The following RIT2 variants were observed in gnomAD, a reference collection of about 807,000 sequenced individuals.
RIT2 encodes the protein GTP-binding protein Rit2.
In RIT2, 24 loss-of-function variants were observed where a neutral mutation model predicts 23.7. That is an observed-to-expected ratio of 1.01 (90% confidence interval 0.73 to 1.43). RIT2 has a LOEUF of 1.43. RIT2 is among the 40% of genes most tolerant of loss of function. RIT2 has a pLI of 0.00. For missense variants in RIT2, 236 were observed against 266.9 expected (o/e 0.88, Z 0.81); for synonymous variants, 107 against 91.1 (o/e 1.17, Z -0.99).
intron 4 of RIT2, 151 bp downstream of exon 4, chr18:42,923,421 T>C (rs1471764760): frequency 1.4e-6 from 1 of 736,534 alleles, no homozygotes; most frequent in African/African-American, 1.8e-5. Flanking sequence ...GCCAACACAA[T>C]TTACCATGGG....
At chr18:42,788,123 A>G (rs1913963260) in intron 4 of RIT2, among the ~76,000 whole-genome samples, 1 of 152,138 alleles carries the variant, frequency 6.6e-6, no homozygotes, top group African/African-American at 2.4e-5. Flanking sequence ...CAATTTGCAA[A>G]CAAAAATATT....
intron 1 of RIT2, among the ~76,000 whole-genome samples, chr18:43,089,815 G>A (rs1913378106): frequency 6.6e-6 from 1 of 151,786 alleles, no homozygotes; most frequent in Admixed American, 6.6e-5. Flanking sequence ...ATAAATAAAA[G>A]GATTCTGTAC....
intron 2 of RIT2, among the ~76,000 whole-genome samples, chr18:43,011,637 T>C (rs763448818): frequency 2.6e-5 from 4 of 151,802 alleles, no homozygotes; most frequent in Non-Finnish European, 5.9e-5. Flanking sequence ...CTAGGCCTAA[T>C]TGAAGAACTC....
chr18:42,911,437 T>A (rs535959703), intron 4 of RIT2, among the ~76,000 whole-genome samples: 2 of 151,844 alleles, frequency 1.3e-5, no homozygotes, highest in Non-Finnish European at 2.9e-5. Flanking sequence ...TTGACAGACA[T>A]AAATTGAGAC....
chr18:42,943,312 C>T (rs1328757206), intron 3 of RIT2, among the ~76,000 whole-genome samples: 2 of 152,040 alleles, frequency 1.3e-5, no homozygotes, highest in East Asian at 3.9e-4. Context: ...TTCCAATCCT[C>T]TTGCTAGCTA....
chr18:43,106,303 A>G (rs1913820933), intron 1 of RIT2, among the ~76,000 whole-genome samples: 1 of 152,200 alleles, frequency 6.6e-6, no homozygotes, highest in South Asian at 2.1e-4. Context: ...CACACACTTT[A>G]TTGCTCATTT....
chr18:43,003,919 C>T (rs1911167291), intron 2 of RIT2, among the ~76,000 whole-genome samples: 1 of 151,642 alleles, frequency 6.6e-6, no homozygotes, highest in African/African-American at 2.4e-5. Flanking sequence ...AATTTTCCTA[C>T]CCCAAATGAT....
chr18:42,802,470 G>A (rs532365234), intron 4 of RIT2, among the ~76,000 whole-genome samples: 24 of 152,182 alleles, frequency 1.6e-4, no homozygotes, highest in African/African-American at 4.6e-4. Context: ...TGTGTTTTAC[G>A]GAAAATACTT....
intron 4 of RIT2, among the ~76,000 whole-genome samples, chr18:42,789,525 T>G (rs1196953974): frequency 6.6e-6 from 1 of 152,240 alleles, no homozygotes; most frequent in Non-Finnish European, 1.5e-5. Context: ...GTTTTGCAGT[T>G]TTCCTTGTAG....
chr18:43,016,998 A>T (rs1268083808), intron 2 of RIT2, among the ~76,000 whole-genome samples: 4 of 152,124 alleles, frequency 2.6e-5, no homozygotes, highest in East Asian at 1.9e-4. Context: ...AGGTAATTGT[A>T]AACAGCTCTG....
chr18:42,899,112 T>C (rs1363042268), intron 4 of RIT2, among the ~76,000 whole-genome samples: 3 of 151,964 alleles, frequency 2.0e-5, no homozygotes, highest in Admixed American at 2.0e-4. Context: ...CACAATAGTT[T>C]TAGCATCTAT....
In RIT2 at chr18:42,862,899, T is replaced by C. The variant is rs147967513; in HGVS notation, c.426+60673A>G. Among the ~76,000 whole-genome samples, 56 of 152,312 alleles carry C rather than the reference T, an allele frequency of 3.7e-4. No individual in the cohort carries two copies. The East Asian group carries it at 0.01, about 28-fold the overall frequency. On this transcript the variant is annotated intron_variant, in intron 4 of 4. Transcript: ENST00000326695. The stretch of plus-strand genomic sequence containing the variant: ...GAACAAAGAACAAATCTCCTAACTT[T>C]TTATATTTTCACTGTTGCCTATGAT...
At chr18:43,059,626 T>A (rs1912595540) in intron 1 of RIT2, among the ~76,000 whole-genome samples, 1 of 152,196 alleles carries the variant, frequency 6.6e-6, no homozygotes, top group Admixed American at 6.5e-5. Flanking sequence ...TGGACACTGA[T>A]GAAATATCTC....
At chr18:42,974,844 A>C (rs188138269) in intron 2 of RIT2, among the ~76,000 whole-genome samples, 1 of 152,200 alleles carries the variant, frequency 6.6e-6, no homozygotes, top group East Asian at 1.9e-4. Context: ...GAATTAACAA[A>C]GGATGTGAAG....
intron 3 of RIT2, among the ~76,000 whole-genome samples, chr18:42,945,496 G>A (rs776402533): frequency 1.7e-4 from 26 of 152,096 alleles, no homozygotes; most frequent in Admixed American, 4.6e-4. Flanking sequence ...CTGAACATGC[G>A]TCCAAGAATG....
intron 2 of RIT2, among the ~76,000 whole-genome samples, chr18:42,993,710 C>A (rs912662424): frequency 1.2e-4 from 18 of 152,032 alleles, no homozygotes; most frequent in Non-Finnish European, 2.9e-5. Context: ...TCATTGCCAC[C>A]TTTCCCCCAG....
At chr18:42,784,616 G>A (rs976811320) in intron 4 of RIT2, among the ~76,000 whole-genome samples, 13 of 151,972 alleles carry the variant, frequency 8.6e-5, no homozygotes, top group Non-Finnish European at 1.5e-4. Context: ...GAAATTTTTA[G>A]AAATGAAACA....
chr18:43,104,488 T>C (rs1438627703), intron 1 of RIT2, among the ~76,000 whole-genome samples: 2 of 152,170 alleles, frequency 1.3e-5, no homozygotes, highest in African/African-American at 4.8e-5. Context: ...ATTACCATTA[T>C]TTGATCATTA....
At chr18:42,871,060 G>A (rs1000036131) in intron 4 of RIT2, among the ~76,000 whole-genome samples, 6 of 152,038 alleles carry the variant, frequency 3.9e-5, no homozygotes, top group Non-Finnish European at 5.9e-5. Context: ...GACCTACATC[G>A]TGCACTGGGC....
Sources: allele counts gnomAD v4.1 joint callset (sites outside exome capture counted in the v4.1 genomes callset), GRCh38; gene constraint gnomAD v4.1.1; transcripts MANE v1.5; gene names NCBI Gene and HGNC (gene_info 2026-07-23, HGNC 2026-07-21).